The following CELF2 variants were observed in gnomAD, a reference collection of about 807,000 sequenced individuals.
CELF2 encodes CUG triplet repeat RNA-binding protein 2.
Under a neutral mutation model 62.6 loss-of-function variants are expected in CELF2, and 8 were observed. The ratio of observed to expected loss-of-function variants is 0.13; its 90% CI spans 0.07 to 0.23. The LOEUF is 0.23. CELF2 is among the 10% of genes least tolerant of loss of function. The pLI is 1.00. For synonymous variants in CELF2, 258 were observed against 250.0 expected, an observed-to-expected ratio of 1.03 and a Z score of -0.30; for missense variants, 333 against 671.0, an observed-to-expected ratio of 0.50 and a Z score of 5.56.
the CELF2 span, among the ~76,000 whole-genome samples, chr10:10,753,346 A>C: frequency 2.0e-5 from 3 of 150,844 alleles, no homozygotes; most frequent in Non-Finnish European, 4.4e-5. Context: ...TCAAGAGTGC[A>C]TATGGGATTT....
chr10:10,554,828 T>C, the CELF2 span, among the ~76,000 whole-genome samples: 2 of 152,170 alleles, frequency 1.3e-5, no homozygotes, highest in Non-Finnish European at 2.9e-5. Flanking sequence ...TCCAACCACA[T>C]TGCAATGCCT....
At chr10:10,763,510 G>A in the CELF2 span, among the ~76,000 whole-genome samples, 3 of 152,186 alleles carry the variant, frequency 2.0e-5, no homozygotes, top group East Asian at 3.9e-4. Flanking sequence ...ATTGATAAAG[G>A]GTCTGTACCT....
chr10:10,634,251 C>A, the CELF2 span, among the ~76,000 whole-genome samples: 1 of 151,930 alleles, frequency 6.6e-6, no homozygotes, highest in African/African-American at 2.4e-5. Context: ...TTAAAATTGT[C>A]TTTATATATA....
At chr10:11,283,062 C>G (rs868167525) in intron 8 of CELF2, among the ~76,000 whole-genome samples, 6 of 152,370 alleles carry the variant, frequency 3.9e-5, no homozygotes, top group South Asian at 2.1e-4. Context: ...GCTACCACAC[C>G]TGGCTTATGA....
chr10:11,333,388 A>G lies in CELF2; in HGVS notation c.*4335A>G, dbSNP rs544428541. ...CGCTTTTTTTAATCAATTGTAGAGAATAGTCATTTTTAATCTAAATTAGAG... is the reference window on the plus strand; with the variant it reads ...CGCTTTTTTTAATCAATTGTAGAGAGTAGTCATTTTTAATCTAAATTAGAG... On this transcript the variant is annotated 3_prime_UTR_variant, in exon 13 of 13. Coordinates refer to ENST00000633077, the MANE Select transcript of CELF2 (RefSeq NM_001326342.2). 1 of 152,802 alleles carries G rather than the reference A, an allele frequency of 6.5e-6. No individual in the cohort carries two copies. The highest frequency in any genetic ancestry group is 2.1e-4 in the South Asian group (1 of 4,830). The allele number at this position is 152,802 out of a possible 1,614,324, so 9.5% of individuals were successfully genotyped here.
At chr10:11,291,992 T>A (rs1246605800) in intron 9 of CELF2, among the ~76,000 whole-genome samples, 1 of 152,230 alleles carries the variant, frequency 6.6e-6, no homozygotes, top group Non-Finnish European at 1.5e-5. Context: ...AAGAAAAGGA[T>A]GCTTTAAAAT....
chr10:10,920,987 C>T (rs114004098), intron 2 of CELF2, among the ~76,000 whole-genome samples: 237 of 152,284 alleles, frequency 1.6e-3, no homozygotes, highest in African/African-American at 4.3e-3. Context: ...CAGAATCTCA[C>T]GCTTTCACCC....
chr10:10,906,871 G>T (rs947673164), intron 1 of CELF2, among the ~76,000 whole-genome samples: 1 of 151,656 alleles, frequency 6.6e-6, no homozygotes, highest in South Asian at 2.1e-4. Flanking sequence ...GGCACAAGCC[G>T]CCACACCCAG....
intron 1 of CELF2, among the ~76,000 whole-genome samples, chr10:11,033,216 T>C (rs529307604): frequency 6.6e-6 from 1 of 151,952 alleles, no homozygotes; most frequent in East Asian, 1.9e-4. Flanking sequence ...ATCTCATGAA[T>C]TCTTTCTGTG....
At chr10:11,273,757 T>C (rs1393110476) in intron 7 of CELF2, among the ~76,000 whole-genome samples, 2 of 152,098 alleles carry the variant, frequency 1.3e-5, no homozygotes, top group Non-Finnish European at 2.9e-5. Context: ...AGTCTTGCTC[T>C]GTTGCCCAGG....
chr10:10,869,572 A>AG (rs961354692), intron 1 of CELF2, among the ~76,000 whole-genome samples: 2 of 151,322 alleles, frequency 1.3e-5, no homozygotes, highest in African/African-American at 2.4e-5. Context: ...CTGGGGGAAA[A>AG]AAAAATGGAA....
At chr10:10,661,180 A>T in the CELF2 span, among the ~76,000 whole-genome samples, 1 of 152,178 alleles carries the variant, frequency 6.6e-6, no homozygotes, top group Non-Finnish European at 1.5e-5. Flanking sequence ...CCATTTCCAC[A>T]TCCTCTTGCA....
Position 11,017,945 on chromosome 10 carries a change from G to C in CELF2, c.-145G>C. On this transcript the variant is annotated 5_prime_UTR_variant, in exon 1 of 13. Coordinates refer to ENST00000633077, the MANE Select transcript of CELF2 (RefSeq NM_001326342.2). This position sits in a 1 kb window ranked among gnomAD's most constrained non-coding sequence, Gnocchi z 5.5. ...GGATTTCGGAGGGGATTGGCGGAGC[G>C]CGAGGAGAGAATGTGACAAGTGCCG... 2 of 985,092 alleles carry C rather than the reference G, an allele frequency of 2.0e-6. No homozygotes were observed. Among genetic ancestry groups the C allele is most frequent in the Non-Finnish European group, 2.4e-6 (2 of 831,174 alleles). 61.0% of individuals were successfully genotyped at this position (985,092 alleles called of 1,614,324 possible). A position where few individuals can be genotyped will look rare whatever the true frequency, so the allele number is the denominator to read the frequency against.
At chr10:10,697,573 G>A in the CELF2 span, among the ~76,000 whole-genome samples, 5 of 152,214 alleles carry the variant, frequency 3.3e-5, no homozygotes, top group Non-Finnish European at 5.9e-5. Context: ...GAAGTCTGAG[G>A]TCAAGACACT....
At chr10:11,023,239 C>T (rs562546735) in intron 1 of CELF2, among the ~76,000 whole-genome samples, 42 of 152,344 alleles carry the variant, frequency 2.8e-4, no homozygotes, top group African/African-American at 9.6e-4. Flanking sequence ...TACAAGTTCT[C>T]ATGCATCCTG....
chr10:11,175,293 G>T (rs188610510), intron 2 of CELF2, among the ~76,000 whole-genome samples: 9 of 152,158 alleles, frequency 5.9e-5, no homozygotes, highest in Non-Finnish European at 1.2e-4. Context: ...GGTCTAGGAG[G>T]TTAACTTAAA....
chr10:11,276,081 A>G (rs1231188080), intron 8 of CELF2, among the ~76,000 whole-genome samples: 1 of 152,234 alleles, frequency 6.6e-6, no homozygotes, highest in Non-Finnish European at 1.5e-5. Flanking sequence ...TGTCATCATG[A>G]AAACTCCTTT....
intron 2 of CELF2, among the ~76,000 whole-genome samples, chr10:11,206,747 T>C (rs937696499): frequency 3.9e-5 from 6 of 152,254 alleles, no homozygotes; most frequent in African/African-American, 1.4e-4. Flanking sequence ...CTCACTACTT[T>C]GGAATTAGGT....
chr10:10,474,728 G>A, the CELF2 span, among the ~76,000 whole-genome samples: 1 of 152,112 alleles, frequency 6.6e-6, no homozygotes, highest in South Asian at 2.1e-4. Flanking sequence ...GAAGTCACCA[G>A]TAAGGGTTTG....
Sources: gnomAD v4.1 joint callset for allele counts (sites outside exome capture counted in the v4.1 genomes callset) on GRCh38, gnomAD v4.1.1 for gene constraint, Gnocchi (gnomAD v3.1) non-coding constraint, MANE v1.5 for transcripts, NCBI Gene and HGNC (gene_info 2026-07-23, HGNC 2026-07-21) for gene names.